The following NR5A2 variants were observed in gnomAD, a reference collection of about 807,000 sequenced individuals.
NR5A2 encodes the protein CYP7A promoter-binding factor.
A neutral mutation model predicts 62.7 loss-of-function variants in NR5A2; 26 were observed. That is an observed-to-expected ratio of 0.41 (90% CI 0.30 to 0.58). NR5A2 has a LOEUF of 0.58. Among genes scored for constraint, NR5A2 ranks in the 20% least tolerant of loss-of-function variants. NR5A2 has a pLI of 0.22. For missense variants in NR5A2, 541 were observed against 669.1 expected (o/e 0.81, Z 2.11); for synonymous variants, 246 against 241.7 (o/e 1.02, Z -0.16).
At chr1:200,055,114 G>A (rs1662852056) in intron 5 of NR5A2, among the ~76,000 whole-genome samples, 1 of 151,860 alleles carries the variant, frequency 6.6e-6, no homozygotes, top group African/African-American at 2.4e-5. Flanking sequence ...AGGCTGGTCT[G>A]GAACTCCTGG....
chr1:200,120,066 T>G (rs914590794), intron 6 of NR5A2, among the ~76,000 whole-genome samples: 1 of 152,220 alleles, frequency 6.6e-6, no homozygotes, highest in Non-Finnish European at 1.5e-5. Flanking sequence ...AGCAGTTTTA[T>G]GTCATGCTTT....
intron 6 of NR5A2, among the ~76,000 whole-genome samples, chr1:200,117,319 C>G (rs78317896): frequency 0.015 from 2,296 of 152,258 alleles, 21 homozygotes; most frequent in African/African-American, 0.035. Flanking sequence ...AATAAATCAC[C>G]TATCCTTCTT....
intron 4 of NR5A2, among the ~76,000 whole-genome samples, chr1:200,046,548 A>C (rs1019266093): frequency 1.3e-5 from 2 of 152,162 alleles, no homozygotes; most frequent in Non-Finnish European, 2.9e-5. Context: ...CTTGATAGAA[A>C]TACTAAAAAA....
chr1:200,069,181 T>C (rs1237509094), intron 5 of NR5A2, among the ~76,000 whole-genome samples: 1 of 151,682 alleles, frequency 6.6e-6, no homozygotes, highest in African/African-American at 2.4e-5. Context: ...ATTTTTAATA[T>C]GTATATCAAA....
intron 5 of NR5A2, among the ~76,000 whole-genome samples, chr1:200,057,296 A>AT (rs1402836299): frequency 1.3e-5 from 2 of 151,760 alleles, no homozygotes; most frequent in Admixed American, 1.3e-4. Flanking sequence ...CTTTCAGGCC[A>AT]TTTTCTAGTT....
At chr1:200,167,960 C>T (rs552885443) in intron 7 of NR5A2, among the ~76,000 whole-genome samples, 1 of 152,252 alleles carries the variant, frequency 6.6e-6, no homozygotes, top group Admixed American at 6.5e-5. Context: ...ATCTGTATCA[C>T]ATTAATTGAG....
At chr1:200,145,874 G>A (rs1046412348) in intron 7 of NR5A2, among the ~76,000 whole-genome samples, 5 of 152,140 alleles carry the variant, frequency 3.3e-5, no homozygotes, top group African/African-American at 1.2e-4. Flanking sequence ...GTCAGTTTAT[G>A]CCTGAACATA....
At chr1:200,052,797 A>G (rs553841766) in intron 5 of NR5A2, among the ~76,000 whole-genome samples, 180 of 150,154 alleles carry the variant, frequency 1.2e-3, no homozygotes, top group Middle Eastern at 3.4e-3. Flanking sequence ...GCCTGCCACC[A>G]CGCCGGCTAA....
intron 7 of NR5A2, among the ~76,000 whole-genome samples, chr1:200,128,931 C>T (rs2816968): frequency 6.6e-6 from 1 of 152,142 alleles, no homozygotes; most frequent in African/African-American, 2.4e-5. Context: ...TTAGTTTCTG[C>T]TATAGGAATG....
intron 7 of NR5A2, among the ~76,000 whole-genome samples, chr1:200,156,649 G>A (rs1048879811): frequency 6.6e-5 from 10 of 151,728 alleles, no homozygotes; most frequent in South Asian, 2.1e-4. Flanking sequence ...CACCCGCCTC[G>A]GCCTCCCAAA....
At chr1:200,077,834 CT>C (rs1415387903) in intron 5 of NR5A2, among the ~76,000 whole-genome samples, 13 of 152,278 alleles carry the variant, frequency 8.5e-5, no homozygotes, top group African/African-American at 3.1e-4. Context: ...TCTGGATGAC[CT>C]TTAGGGCTCT....
intron 7 of NR5A2, among the ~76,000 whole-genome samples, chr1:200,165,655 C>T (rs1653867708): frequency 6.6e-6 from 1 of 152,158 alleles, no homozygotes; most frequent in Non-Finnish European, 1.5e-5. Flanking sequence ...ATTTACGTTT[C>T]CTCCATGTCT....
At chr1:200,074,181 A>G (rs1234767749) in intron 5 of NR5A2, among the ~76,000 whole-genome samples, 1 of 152,196 alleles carries the variant, frequency 6.6e-6, no homozygotes, top group African/African-American at 2.4e-5. Flanking sequence ...GGGCATGAAT[A>G]TTACAGATCT....
At chr1:200,103,889 T>C (rs1325108523) in intron 5 of NR5A2, among the ~76,000 whole-genome samples, 1 of 152,186 alleles carries the variant, frequency 6.6e-6, no homozygotes, top group East Asian at 1.9e-4. Flanking sequence ...TAACTGTATA[T>C]GATAAAACAG....
intron 7 of NR5A2, among the ~76,000 whole-genome samples, chr1:200,139,001 T>A (rs912137102): frequency 6.6e-5 from 10 of 152,178 alleles, no homozygotes; most frequent in Non-Finnish European, 1.5e-4. Flanking sequence ...GGAGAAAAAT[T>A]ATTTTCTTGG....
chr1:200,048,135 T>C lies in NR5A2; in HGVS notation c.464-37T>C. Reference sequence around the variant, plus strand: ...ATGCTAATAATTTGCACCTTATTTATACCTTTCCTTCCTTCCCCCCACCCC... The same window carrying C: ...ATGCTAATAATTTGCACCTTATTTACACCTTTCCTTCCTTCCCCCCACCCC... On this transcript the variant is annotated intron_variant, in intron 4 of 7. Coordinates refer to ENST00000367362, the MANE Select transcript of NR5A2 (RefSeq NM_205860.3). The surrounding 1 kb of genome is among the most constrained non-coding windows in gnomAD (Gnocchi z 4.8). 6.5e-7 allele frequency: 1 copy of C among 1,543,120 alleles called. No homozygotes were observed. Among genetic ancestry groups the C allele is most frequent in the Non-Finnish European group, 8.8e-7 (1 of 1,142,490 alleles).
At chr1:200,118,028 T>TC (rs1187838714) in intron 6 of NR5A2, among the ~76,000 whole-genome samples, 2 of 148,332 alleles carry the variant, frequency 1.3e-5, no homozygotes, top group Non-Finnish European at 1.5e-5. Flanking sequence ...TCTTTTTTTT[T>TC]TTTTTTTTGA....
chr1:200,038,690 C>T (rs772271756), intron 1 of NR5A2: 4 of 1,366,110 alleles, frequency 2.9e-6, no homozygotes, highest in African/African-American at 3.0e-5. Context: ...CTTCTTCTTG[C>T]TTCCCCTCAG....
chr1:200,133,604 C>CATAT (rs71132670), intron 7 of NR5A2, among the ~76,000 whole-genome samples: 1 of 91,528 alleles, frequency 1.1e-5, no homozygotes, highest in African/African-American at 4.6e-5. Context: ...TATATATACA[C>CATAT]ATATATACAC....
Sources: allele counts gnomAD v4.1 joint callset (sites outside exome capture counted in the v4.1 genomes callset), GRCh38; gene constraint gnomAD v4.1.1; non-coding constraint Gnocchi (gnomAD v3.1); transcripts MANE v1.5; gene names NCBI Gene and HGNC (gene_info 2026-07-23, HGNC 2026-07-21).